Variants in UPF3A observed in about 807,000 individuals in gnomAD.
UPF3A encodes regulator of nonsense transcripts 3A.
UPF3A carries 42 observed loss-of-function variants against 53.5 expected under a neutral mutation model. The observed-to-expected ratio is 0.78, with a 90% CI of 0.61 to 1.01. The LOEUF (loss-of-function observed/expected upper bound fraction) is 1.01. UPF3A is among the 50% of genes least tolerant of loss of function. UPF3A has a pLI of 0.00. For missense variants in UPF3A, 575 were observed against 598.0 expected (o/e 0.96, Z 0.40); for synonymous variants, 237 against 225.3 (o/e 1.05, Z -0.47).
intron 3 of UPF3A, chr13:114,283,942 G>A: frequency 1.0e-6 from 1 of 985,416 alleles, no homozygotes; most frequent in Non-Finnish European, 1.2e-6. Flanking sequence ...GGACTAGAAA[G>A]ATTGTTAAAA....
chr13:114,282,244 T>C, intron 2 of UPF3A, 117 bp downstream of exon 2: 1 of 926,746 alleles, frequency 1.1e-6, no homozygotes, highest in South Asian at 1.8e-5. Context: ...TCGTGTGAGC[T>C]TTTTGAATAA....
intron 7 of UPF3A, among the ~76,000 whole-genome samples, chr13:114,292,172 TGTC>T (rs1032933020): frequency 2.0e-5 from 3 of 152,020 alleles, no homozygotes; most frequent in African/African-American, 7.3e-5. Flanking sequence ...ACATGTTCAT[TGTC>T]AGCTCAACGC....
intron 5 of UPF3A, 127 bp from the exon 6 acceptor site, chr13:114,291,362 C>T: frequency 1.1e-6 from 1 of 903,052 alleles, no homozygotes; most frequent in Non-Finnish European, 1.6e-6. Flanking sequence ...CCCCTGGAGA[C>T]AGTGTGTAAA....
rs1262586172 is a variant in UPF3A, at chr13:114,288,387, G to A, written c.631+1758G>A. 3.9e-5 allele frequency among the ~76,000 whole-genome samples: 6 copies of A among 152,206 alleles called. No homozygotes were observed. The East Asian group carries it at 9.6e-4, about 24-fold the overall frequency. On this transcript the variant is annotated intron_variant, in intron 5 of 9. Transcript: ENST00000375299. ...TGGAGCTGGAGCTGAGACTGGCTGC[G>A]GGAGGGAAAGAGGTCAGGAGATGAG...
chr13:114,286,104 G>C, intron 3 of UPF3A, 198 bp from the exon 4 acceptor site: 2 of 643,396 alleles, frequency 3.1e-6, no homozygotes, highest in Non-Finnish European at 5.0e-6. Flanking sequence ...TAAGGTTGCA[G>C]GTGCTTGAAA....
chr13:114,296,509 G>C (rs139339617), intron 7 of UPF3A, among the ~76,000 whole-genome samples: 1 of 152,100 alleles, frequency 6.6e-6, no homozygotes, highest in Non-Finnish European at 1.5e-5. Flanking sequence ...CATTTTTTCC[G>C]TTTGGCTGTT....
In UPF3A at chr13:114,286,208, T is replaced by TA. The variant is rs1362652347; in HGVS notation, c.422-93dup. The TA allele has an allele frequency of 4.1e-6, 6 of 1,467,518 alleles. No homozygotes were observed. In the Admixed American group the frequency reaches 8.0e-5, roughly 20 times the overall value. 90.9% of individuals were successfully genotyped at this position (1,467,518 alleles called of 1,614,324 possible). The stretch of plus-strand genomic sequence containing the variant: ...AATAGTAATAATGCATTGTCGTTGT[T>TA]ACACTTACTCTTTAAGTAAGTTAGG... On this transcript the variant is annotated intron_variant, in intron 3 of 9. Transcript: ENST00000375299.
rs1338418340 is a variant in UPF3A at position 114,305,380 on chromosome 13, C to A, written c.*463C>A. On this transcript the variant is annotated 3_prime_UTR_variant, in exon 10 of 10. Transcript: ENST00000375299. ...AGTGAAGAGTAGTTCTTGTTTGTTA[C>A]AACCTTTGTGAGTCAGCCATGCCCG... 4.3e-6 allele frequency: 1 copy of A among 232,566 alleles called. No individual in the cohort carries two copies. Among genetic ancestry groups the A allele is most frequent in the Non-Finnish European group, 8.6e-6 (1 of 115,614 alleles). 14.4% of individuals were successfully genotyped at this position (232,566 alleles called of 1,614,324 possible). A position where few individuals can be genotyped will look rare whatever the true frequency, so the allele number is the denominator to read the frequency against.
At chr13:114,285,425 C>T (rs2084585495) in intron 3 of UPF3A, 1 of 152,134 alleles carries the variant, frequency 6.6e-6, no homozygotes, top group Non-Finnish European at 1.5e-5. Context: ...GGACATCGTC[C>T]CTGCTGGTCC....
chr13:114,292,149 G>C (rs1188170452), intron 7 of UPF3A, among the ~76,000 whole-genome samples: 1 of 148,860 alleles, frequency 6.7e-6, no homozygotes, highest in African/African-American at 2.5e-5. Context: ...AGGCGTACAT[G>C]TGCAGGTGTG....
At chr13:114,283,461 TGTAATA>T (rs1210433520) in intron 3 of UPF3A, 9 of 152,434 alleles carry the variant, frequency 5.9e-5, no homozygotes, top group African/African-American at 1.4e-4. Flanking sequence ...AGAAATTCTG[TGTAATA>T]GTGACAGCCT....
chr13:114,281,762 G>C lies in UPF3A; in HGVS notation c.123G>C (p.Glu41Asp), dbSNP rs1420509598. 1 of 1,557,714 alleles carries C rather than the reference G, an allele frequency of 6.4e-7. No individual in the cohort carries two copies. ...VQFHRDSQQQ[E>D]AETPPTSSSG... is the part of the protein sequence containing the mutation. The stretch of plus-strand genomic sequence containing the variant: ...TCCACCGCGACTCGCAGCAGCAGGA[G>C]GCTGAGACGCCGCCAACTTCGTCCT... The change falls in exon 1 of 10, where the codon GAG (glutamate) becomes GAC (aspartate). Residue 41 changes from glutamate (E) to aspartate (D), a missense_variant. Coordinates refer to ENST00000375299, the MANE Select transcript of UPF3A (RefSeq NM_023011.4).
intron 7 of UPF3A, 81 bp downstream of exon 7, chr13:114,291,873 G>C: frequency 6.9e-7 from 1 of 1,448,972 alleles, no homozygotes; most frequent in Non-Finnish European, 9.3e-7. Context: ...TAGTTCTTTA[G>C]AATTTTGAAA....
At chr13:114,283,220 G>C (rs1417921298) in intron 3 of UPF3A, 1 of 266,658 alleles carries the variant, frequency 3.8e-6, no homozygotes, top group Non-Finnish European at 7.2e-6. Context: ...GGGTCTCACT[G>C]TGTTGCCCAG....
At chr13:114,295,728 C>T (rs1397195476) in intron 7 of UPF3A, among the ~76,000 whole-genome samples, 1 of 152,176 alleles carries the variant, frequency 6.6e-6, no homozygotes, top group Non-Finnish European at 1.5e-5. Flanking sequence ...CCACCGTTGC[C>T]TCAGGTGGTG....
chr13:114,291,894 TTAATC>T (rs2085307831), intron 7 of UPF3A, 102 bp downstream of exon 7: 1 of 1,345,172 alleles, frequency 7.4e-7, no homozygotes, highest in African/African-American at 1.5e-5. Flanking sequence ...ACATTCTGAA[TTAATC>T]TAATATTGTG....
intron 7 of UPF3A, among the ~76,000 whole-genome samples, 162 bp from the exon 8 acceptor site, chr13:114,298,678 C>G (rs967031029): frequency 2.0e-5 from 3 of 152,140 alleles, no homozygotes; most frequent in Non-Finnish European, 4.4e-5. Flanking sequence ...AATGTTCCAC[C>G]ACGTATTAAA....
chr13:114,286,554 G>A lies in UPF3A; in HGVS notation c.556G>A (p.Val186Met). ...EYKKFLETYCVEEEKTSANPE... is the reference protein window; with the variant it reads ...EYKKFLETYCMEEEKTSANPE... ...TAAGAAGTTTTTAGAAACCTACTGT[G>A]TGGAGGAAGAGAAGACCAGTGCCAA... is the stretch of plus-strand genomic sequence containing the variant. Residue 186 changes from valine (V) to methionine (M), a missense_variant, in exon 5 of 10, where the codon GTG becomes ATG. Transcript: ENST00000375299. 3.1e-6 allele frequency: 5 copies of A among 1,613,960 alleles called. No individual in the cohort carries two copies. The highest frequency in any genetic ancestry group is 1.7e-5 in the Admixed American group (1 of 59,974).
intron 5 of UPF3A, 193 bp downstream of exon 5, chr13:114,286,822 T>G: frequency 1.7e-6 from 1 of 592,324 alleles, no homozygotes; most frequent in Non-Finnish European, 3.0e-6. Context: ...TGAGCGTTGG[T>G]TGATGGAGAG....
Sources: allele counts gnomAD v4.1 joint callset (sites outside exome capture counted in the v4.1 genomes callset), GRCh38; gene constraint gnomAD v4.1.1; transcripts MANE v1.5; gene names NCBI Gene and HGNC (gene_info 2026-07-23, HGNC 2026-07-21).